GRM1: variants seen among roughly 807,000 people sequenced by gnomAD.
GRM1 encodes the protein metabotropic glutamate receptor 1.
In GRM1, 33 loss-of-function variants were observed where a neutral mutation model predicts 90.9. That is an observed-to-expected ratio of 0.36 (90% CI 0.28 to 0.49). The LOEUF is 0.49. Ranked by LOEUF, GRM1 falls within the 20% of genes least tolerant of loss-of-function variation. The pLI is 0.99. For missense variants in GRM1, 1,190 were observed against 1,534.3 expected (o/e 0.78, Z 3.75); for synonymous variants, 700 against 613.2 (o/e 1.14, Z -2.09).
intron 1 of GRM1, among the ~76,000 whole-genome samples, chr6:146,093,575 A>C (rs181242933): frequency 1.3e-5 from 2 of 152,130 alleles, no homozygotes; most frequent in African/African-American, 4.8e-5. Context: ...AGCCCCATAC[A>C]TCACACTGTT....
At chr6:146,054,008 T>C (rs1775392543) in intron 1 of GRM1, among the ~76,000 whole-genome samples, 1 of 152,092 alleles carries the variant, frequency 6.6e-6, no homozygotes, top group Non-Finnish European at 1.5e-5. Context: ...GACATTTAAT[T>C]AAATCCAACA....
At chr6:146,237,464 AAT>A (rs1780691164) in intron 2 of GRM1, among the ~76,000 whole-genome samples, 1 of 145,984 alleles carries the variant, frequency 6.9e-6, no homozygotes, top group Non-Finnish European at 1.5e-5. Flanking sequence ...TATTTTTACA[AAT>A]AGTTATTTGT....
chr6:146,255,466 T>G (rs1409157112), intron 2 of GRM1, among the ~76,000 whole-genome samples: 1 of 152,140 alleles, frequency 6.6e-6, no homozygotes, highest in Non-Finnish European at 1.5e-5. Context: ...CTTCAAACCT[T>G]TAGTGCTTGA....
At chr6:146,213,967 G>A (rs1779781729) in intron 2 of GRM1, among the ~76,000 whole-genome samples, 2 of 152,054 alleles carry the variant, frequency 1.3e-5, no homozygotes, top group African/African-American at 4.8e-5. Context: ...AAAGCTGGAG[G>A]GCCTGGAGTC....
intron 1 of GRM1, among the ~76,000 whole-genome samples, chr6:146,085,793 G>T (rs1243540147): frequency 6.6e-6 from 1 of 152,046 alleles, no homozygotes; most frequent in African/African-American, 2.4e-5. Context: ...ATCAATCAGT[G>T]GGTTACACAT....
At chr6:146,315,881 G>C (rs1388522149) in intron 3 of GRM1, among the ~76,000 whole-genome samples, 1 of 152,102 alleles carries the variant, frequency 6.6e-6, no homozygotes, top group African/African-American at 2.4e-5. Flanking sequence ...GGCTTGTTTT[G>C]CATTTGAAGT....
intron 2 of GRM1, among the ~76,000 whole-genome samples, chr6:146,288,712 G>T (rs1782859506): frequency 6.6e-6 from 1 of 152,058 alleles, no homozygotes; most frequent in Admixed American, 6.5e-5. Flanking sequence ...TGCCATATCG[G>T]CCAGGGTGGT....
In GRM1 at chr6:146,052,750, C is replaced by G. The variant is rs1031631497; in HGVS notation, c.700+22533C>G. ...TATCATTTCCTCAGGAATCCCTTCT[C>G]TATATAAAGTATAACCCTTCCCCTT... On this transcript the variant is annotated intron_variant, in intron 1 of 7. Transcript: ENST00000282753. Among the ~76,000 whole-genome samples, 6 of 152,062 alleles carry G rather than the reference C, an allele frequency of 3.9e-5. No homozygotes were observed. In the East Asian group the frequency reaches 1.2e-3, roughly 29 times the overall value.
At chr6:146,425,176 A>G (rs974680535) in intron 7 of GRM1, among the ~76,000 whole-genome samples, 1 of 151,722 alleles carries the variant, frequency 6.6e-6, no homozygotes, top group East Asian at 1.9e-4. Context: ...GGAATTGTAC[A>G]TATGGATTAA....
chr6:146,354,023 T>A (rs1785498386), intron 4 of GRM1, among the ~76,000 whole-genome samples: 1 of 152,218 alleles, frequency 6.6e-6, no homozygotes, highest in African/African-American at 2.4e-5. Flanking sequence ...CAGCTTGAAG[T>A]CCTGCACTTA....
intron 7 of GRM1, among the ~76,000 whole-genome samples, chr6:146,410,787 G>A (rs1777535723): frequency 6.6e-6 from 1 of 152,072 alleles, no homozygotes; most frequent in Non-Finnish European, 1.5e-5. Flanking sequence ...CAGCTTATTA[G>A]GAAAATGAAG....
chr6:146,062,968 C>T (rs949929086), intron 1 of GRM1, among the ~76,000 whole-genome samples: 1 of 152,086 alleles, frequency 6.6e-6, no homozygotes, highest in Non-Finnish European at 1.5e-5. Context: ...TATAAATGTT[C>T]TTTTATGGAT....
intron 2 of GRM1, among the ~76,000 whole-genome samples, chr6:146,271,230 T>C (rs909898472): frequency 3.3e-5 from 5 of 152,072 alleles, no homozygotes; most frequent in Non-Finnish European, 7.4e-5. Context: ...GGTCTTGATC[T>C]CCTGACCTCA....
intron 1 of GRM1, among the ~76,000 whole-genome samples, chr6:146,085,322 A>C (rs9403768): frequency 0.37 from 56,402 of 151,970 alleles, 11,190 homozygotes; most frequent in Middle Eastern, 0.52. Context: ...GCTTTGCCAC[A>C]TAAATAAATG....
At chr6:146,164,874 G>T (rs1331337796) in intron 2 of GRM1, among the ~76,000 whole-genome samples, 1 of 151,876 alleles carries the variant, frequency 6.6e-6, no homozygotes, top group African/African-American at 2.4e-5. Context: ...GACATACTAG[G>T]TGTACCATAT....
intron 2 of GRM1, among the ~76,000 whole-genome samples, chr6:146,176,803 A>G (rs575880257): frequency 6.6e-6 from 1 of 152,214 alleles, no homozygotes; most frequent in Non-Finnish European, 1.5e-5. Context: ...ACATCAGATA[A>G]TTACTCATAG....
chr6:146,315,624 G>C (rs115241199), intron 3 of GRM1, among the ~76,000 whole-genome samples: 6,486 of 152,066 alleles, frequency 0.043, 448 homozygotes, highest in African/African-American at 0.15. Flanking sequence ...TATTAATCTG[G>C]GTCCTACGCC....
intron 2 of GRM1, among the ~76,000 whole-genome samples, chr6:146,302,654 G>A (rs1264163376): frequency 2.0e-5 from 3 of 151,614 alleles, no homozygotes; most frequent in African/African-American, 2.4e-5. Context: ...GCCTCCCAAA[G>A]TCCTAGGATT....
At chr6:146,174,081 T>A (rs1778245719) in intron 2 of GRM1, among the ~76,000 whole-genome samples, 1 of 152,110 alleles carries the variant, frequency 6.6e-6, no homozygotes, top group Non-Finnish European at 1.5e-5. Context: ...ATAAATTTTA[T>A]CTCTAAGAGA....
Sources: gnomAD v4.1 joint callset for allele counts (sites outside exome capture counted in the v4.1 genomes callset) on GRCh38, gnomAD v4.1.1 for gene constraint, MANE v1.5 for transcripts, NCBI Gene and HGNC (gene_info 2026-07-23, HGNC 2026-07-21) for gene names.